The following MFSD1 variants were observed in gnomAD, a reference collection of about 807,000 sequenced individuals.
MFSD1 encodes lysosomal dipeptide transporter MFSD1.
Under a neutral mutation model 67.1 loss-of-function variants are expected in MFSD1, and 59 were observed. The observed-to-expected ratio is 0.88, with a 90% CI of 0.71 to 1.09. The LOEUF is 1.09. MFSD1 is among the 50% of genes least tolerant of loss of function. The pLI is 0.00. For synonymous variants in MFSD1, 213 were observed against 200.3 expected (o/e 1.06, Z -0.54); for missense variants, 552 against 566.1 (o/e 0.97, Z 0.25).
chr3:158,804,510 G>T, intron 2 of MFSD1, 139 bp downstream of exon 2: 1 of 566,120 alleles, frequency 1.8e-6, no homozygotes, highest in Non-Finnish European at 3.1e-6. Context: ...AAATCCACAA[G>T]TTGCAAGGGG....
intron 12 of MFSD1, among the ~76,000 whole-genome samples, 195 bp from the exon 13 acceptor site, chr3:158,823,929 C>A (rs959592366): frequency 3.3e-5 from 5 of 152,160 alleles, no homozygotes; most frequent in African/African-American, 9.7e-5. Flanking sequence ...GCTCCCTTAC[C>A]TTTGAGCAGT....
chr3:158,816,309 G>A (rs1730340512), intron 7 of MFSD1, among the ~76,000 whole-genome samples: 1 of 152,144 alleles, frequency 6.6e-6, no homozygotes, highest in Admixed American at 6.5e-5. Context: ...ATCCTCTCCA[G>A]CATCTGTTGT....
At chr3:158,808,996 G>A (rs565566307) in intron 5 of MFSD1, 183 bp from the exon 6 acceptor site, 2 of 489,020 alleles carry the variant, frequency 4.1e-6, no homozygotes, top group Non-Finnish European at 7.3e-6. Flanking sequence ...GGATCACACT[G>A]TCTCATTTCC....
chr3:158,805,404 T>C lies in MFSD1; in HGVS notation c.259T>C (p.Trp87Arg). The C allele has an allele frequency of 1.9e-6, 3 of 1,614,124 alleles. No homozygotes were observed. Among genetic ancestry groups the C allele is most frequent in the Non-Finnish European group, 2.5e-6 (3 of 1,179,944 alleles). Residue 87 changes from tryptophan (W) to arginine (R), a missense_variant, in exon 3 of 16, where the codon TGG (tryptophan) becomes CGG (arginine). Physicochemically the swap from Trp to Arg is moderately radical, Grantham distance 101. Transcript: ENST00000415822. ...NTTKFMLLYAWYSWPNVVLCF... is the reference protein window; with the variant it reads ...NTTKFMLLYARYSWPNVVLCF... The stretch of plus-strand genomic sequence containing the variant: ...CACGAAATTCATGCTGCTGTATGCC[T>C]GGTATTCTTGGCCCAATGTAGTTTT...
chr3:158,827,943 GGGGA>G (rs1559926600), intron 15 of MFSD1, among the ~76,000 whole-genome samples: 2 of 36,946 alleles, frequency 5.4e-5, no homozygotes, highest in Non-Finnish European at 1.1e-4. Flanking sequence ...AGAGAGAGAG[GGGGA>G]GAGAGAGAGA....
chr3:158,810,412 G>A (rs987491380), intron 6 of MFSD1, among the ~76,000 whole-genome samples: 3 of 152,154 alleles, frequency 2.0e-5, no homozygotes, highest in Non-Finnish European at 2.9e-5. Flanking sequence ...AATAAGTGTC[G>A]TGAAAATACA....
At chr3:158,826,912 C>T (rs1730997842) in intron 14 of MFSD1, among the ~76,000 whole-genome samples, 1 of 152,118 alleles carries the variant, frequency 6.6e-6, no homozygotes, top group Non-Finnish European at 1.5e-5. Flanking sequence ...AAGCAATCCT[C>T]CCGCCTTAGC....
intron 7 of MFSD1, among the ~76,000 whole-genome samples, chr3:158,814,914 T>G (rs1730239421): frequency 1.3e-5 from 2 of 151,964 alleles, no homozygotes; most frequent in Non-Finnish European, 2.9e-5. Flanking sequence ...GAAACCCGTC[T>G]CTACTAAAAA....
Position 158,827,320 on chromosome 3 carries a change from A to C in MFSD1, c.1377A>C (p.Ile459=), listed in dbSNP as rs933875094. The C allele has an allele frequency of 3.2e-6, 5 of 1,551,010 alleles. No individual in the cohort carries two copies. Among genetic ancestry groups the C allele is most frequent in the East Asian group, 2.3e-5 (1 of 42,870 alleles). Residue 459 remains isoleucine, a synonymous_variant, in exon 15 of 16, where the codon ATA becomes ATC. Transcript: ENST00000415822. ...ATTCTGCAAGACAAAGGGAAGAAAT[A>C]AAATTTTCCCATACTGAGTAAGTAT... ...LNYSARQREE[I]KFSHTE is the part of the protein sequence containing the mutation.
rs6774311 is a variant in MFSD1 at position 158,828,793 on chromosome 3, A to G, written c.1395-186A>G. Among the ~76,000 whole-genome samples the G allele has an allele frequency of 4.4e-3, 677 of 152,326 alleles. 3 individuals are homozygous for G. The highest frequency in any genetic ancestry group is 0.015 in the African/African-American group (643 of 41,572). On this transcript the variant is annotated intron_variant, in intron 15 of 15. Coordinates refer to ENST00000415822, the MANE Select transcript of MFSD1 (RefSeq NM_022736.4). ...AATTAAAAACTCAGAATATTTTTCA[A>G]ATTTTCTACATTGATCTTTTGTGAC...
In MFSD1 at chr3:158,821,625, T is replaced by G; in HGVS notation, c.892T>G (p.Ser298Ala). 1 of 1,610,714 alleles carries G rather than the reference T, an allele frequency of 6.2e-7. No individual in the cohort carries two copies. Among genetic ancestry groups the G allele is most frequent in the South Asian group, 1.1e-5 (1 of 90,298 alleles). ...TTTCTTTACAGAGAAATTTGGATTT[T>G]CTTCCCAGGCAGCAAGTGCAATTAA... ...KVFFTEKFGF[S>A]SQAASAINSV... Residue 298 changes from serine to alanine, a missense_variant, in exon 10 of 16, where the codon TCT becomes GCT. By Grantham distance (99) the Ser-to-Ala change is moderately conservative. Transcript: ENST00000415822.
At chr3:158,823,981 T>C (rs1730824828) in intron 12 of MFSD1, 143 bp from the exon 13 acceptor site, 2 of 703,064 alleles carry the variant, frequency 2.8e-6, no homozygotes, top group Admixed American at 4.9e-5. Flanking sequence ...CAATCCAAAA[T>C]CTAATCAAGT....
At chr3:158,821,741 T>C (rs1479803191) in intron 10 of MFSD1, 88 bp downstream of exon 10, 17 of 1,190,156 alleles carry the variant, frequency 1.4e-5, no homozygotes, top group Admixed American at 4.0e-5. Flanking sequence ...AAAAGATGTA[T>C]GTGACCTAAT....
Position 158,802,088 on chromosome 3 carries a change from G to A in MFSD1, c.-65G>A, listed in dbSNP as rs755114927. The A allele has an allele frequency of 9.5e-6, 15 of 1,583,290 alleles. No homozygotes were observed. Among genetic ancestry groups the A allele is most frequent in the African/African-American group, 9.4e-5 (7 of 74,652 alleles). ...ACCGCCGTCTTGACAGTGTTCCACG[G>A]GCGCTGCTTCCTGCCTGGGTTTGGA... On this transcript the variant is annotated 5_prime_UTR_variant, in exon 1 of 16. Transcript: ENST00000415822.
chr3:158,817,456 C>T (rs1214194136), intron 7 of MFSD1, among the ~76,000 whole-genome samples: 4 of 152,180 alleles, frequency 2.6e-5, no homozygotes, highest in Non-Finnish European at 5.9e-5. Flanking sequence ...ACACCAATAA[C>T]AGACAAACAG....
intron 2 of MFSD1, among the ~76,000 whole-genome samples, chr3:158,805,043 A>G (rs767974335): frequency 1.2e-4 from 19 of 152,146 alleles, no homozygotes; most frequent in Non-Finnish European, 1.6e-4. Context: ...CAGTGCAGGT[A>G]GTATATAGAA....
At chr3:158,818,496 T>C (rs1730495932) in intron 7 of MFSD1, among the ~76,000 whole-genome samples, 1 of 152,204 alleles carries the variant, frequency 6.6e-6, no homozygotes, top group Non-Finnish European at 1.5e-5. Flanking sequence ...AATGTCTACC[T>C]GTCTTCCTTT....
At chr3:158,827,968 G>GAC (rs1559926639) in intron 15 of MFSD1, among the ~76,000 whole-genome samples, 6 of 115,696 alleles carry the variant, frequency 5.2e-5, no homozygotes, top group East Asian at 2.4e-4. Flanking sequence ...GAGAGAGAGA[G>GAC]AGAGAGAGAG....
chr3:158,828,886 A>T, intron 15 of MFSD1, 93 bp from the exon 16 acceptor site: 1 of 1,300,636 alleles, frequency 7.7e-7, no homozygotes, highest in East Asian at 2.4e-5. Context: ...TTGCTATTAC[A>T]TGTCTTGTAA....
Sources: gnomAD v4.1 joint callset for allele counts (sites outside exome capture counted in the v4.1 genomes callset) on GRCh38, gnomAD v4.1.1 for gene constraint, MANE v1.5 for transcripts, NCBI Gene and HGNC (gene_info 2026-07-23, HGNC 2026-07-21) for gene names.